The following F11 variants were observed in gnomAD, a reference collection of about 807,000 sequenced individuals.
The protein encoded by F11 is coagulation factor XI.
Under a neutral mutation model 76.5 loss-of-function variants are expected in F11, and 78 were observed. The observed-to-expected ratio is 1.02, with a 90% CI of 0.85 to 1.23. The LOEUF (loss-of-function observed/expected upper bound fraction) is 1.23, where lower values mean the gene tolerates loss of function less well. Among genes scored for constraint, F11 ranks in the 50% most tolerant of loss-of-function variants. The probability of loss-of-function intolerance (pLI) is 0.00; values close to 1 mark genes in which losing one functional copy is unlikely to be tolerated. For missense variants in F11, 742 were observed against 771.4 expected (o/e 0.96, Z 0.45); for synonymous variants, 278 against 276.3 (o/e 1.01, Z -0.06).
At chr4:186,281,828 G>A (rs1416570295) in intron 10 of F11, 8 of 1,174,220 alleles carry the variant, frequency 6.8e-6, no homozygotes, top group South Asian at 6.6e-5. Flanking sequence ...CTGCTGTACC[G>A]AGAAGGCGAA....
At chr4:186,278,951 C>A (rs1041201786) in intron 7 of F11, among the ~76,000 whole-genome samples, 3 of 152,232 alleles carry the variant, frequency 2.0e-5, no homozygotes, top group Non-Finnish European at 4.4e-5. Flanking sequence ...GTGCTAGTCA[C>A]TGCTCTTTTT....
Position 186,285,817 on chromosome 4 carries a change from C to A in F11, c.1480+4C>A, listed in dbSNP as rs370328133. The A allele has an allele frequency of 6.2e-7, 1 of 1,613,900 alleles. No individual in the cohort carries two copies. The highest frequency in any genetic ancestry group is 1.3e-5 in the African/African-American group (1 of 74,872). On this transcript the variant is annotated splice_donor_region_variant and intron_variant, in intron 12 of 14. Transcript: ENST00000403665. The stretch of plus-strand genomic sequence containing the variant: ...GAAACCACAGTGAATTACACAGGTA[C>A]GGAGAATTTTATCCGGAAAGTTGTC...
chr4:186,273,518 T>G (rs1740141799), intron 4 of F11, among the ~76,000 whole-genome samples: 1 of 152,000 alleles, frequency 6.6e-6, no homozygotes, highest in Non-Finnish European at 1.5e-5. Context: ...AGTGGTGCAA[T>G]CACAGCTCAC....
At chr4:186,267,931 A>G (rs1739624114) in intron 2 of F11, among the ~76,000 whole-genome samples, 1 of 152,214 alleles carries the variant, frequency 6.6e-6, no homozygotes, top group East Asian at 1.9e-4. Flanking sequence ...TCATAATTTC[A>G]ATTTTCTCTG....
chr4:186,288,689 C>T lies in F11; in HGVS notation c.*75C>T. On this transcript the variant is annotated 3_prime_UTR_variant, in exon 15 of 15. Transcript: ENST00000403665. ...GGAGAGGGTGTTGAGTTCACTGTGC[C>T]AGCATGCTTCCTCCACAGTAACACG... 13 of 1,492,524 alleles carry T rather than the reference C, an allele frequency of 8.7e-6. No homozygotes were observed. Among genetic ancestry groups the T allele is most frequent in the Non-Finnish European group, 1.2e-5 (13 of 1,089,248 alleles). The allele number at this position is 1,492,524 out of a possible 1,614,324, so 92.5% of individuals were successfully genotyped here. A position where few individuals can be genotyped will look rare whatever the true frequency, so the allele number is the denominator to read the frequency against.
In F11 at chr4:186,274,293, C is replaced by A; in HGVS notation, c.485+18C>A. The A allele has an allele frequency of 1.2e-6, 2 of 1,614,150 alleles. No homozygotes were observed. Among genetic ancestry groups the A allele is most frequent in the Non-Finnish European group, 1.7e-6 (2 of 1,179,996 alleles). On this transcript the variant is annotated intron_variant, in intron 5 of 14. Transcript: ENST00000403665. The stretch of plus-strand genomic sequence containing the variant: ...GAGCATCGGTGAGTGAGTCCCAGGA[C>A]ATTCGAGTGGTCGATGAAAAACAGA...
At chr4:186,286,613 C>G (rs1185509744) in intron 13 of F11, 103 bp downstream of exon 13, 1 of 1,573,230 alleles carries the variant, frequency 6.4e-7, no homozygotes, top group Non-Finnish European at 8.6e-7. Flanking sequence ...AGTCACACTA[C>G]TCAGTTGCAG....
intron 5 of F11, 78 bp from the exon 6 acceptor site, chr4:186,275,709 G>A (rs1740309168): frequency 9.3e-7 from 1 of 1,080,534 alleles, no homozygotes; most frequent in South Asian, 1.3e-5. Flanking sequence ...TCTCCAAAGG[G>A]GACTTTCTTA....
chr4:186,275,750 G>A, intron 5 of F11, 37 bp from the exon 6 acceptor site: 1 of 1,472,320 alleles, frequency 6.8e-7, no homozygotes. Flanking sequence ...CTTGCAGTTG[G>A]AAGAATAAGA....
chr4:186,276,430 A>C, intron 7 of F11, 40 bp downstream of exon 7: 1 of 1,602,604 alleles, frequency 6.2e-7, no homozygotes, highest in Non-Finnish European at 8.5e-7. Context: ...TTATCTTCTA[A>C]AAATAGCTGA....
At position 186,270,502 on chromosome 4, in the gene F11, A is replaced by G. The variant is rs540397812; in HGVS notation, c.56-1107A>G. 2.2e-4 allele frequency among the ~76,000 whole-genome samples: 33 copies of G among 152,248 alleles called. No homozygotes were observed. The South Asian group carries it at 4.6e-3, about 21-fold the overall frequency. ...CTTTTGGTGTACCCATCACCCAAGT[A>G]GTGAACACAGCCTCCAACAGGTAAT... is the stretch of plus-strand genomic sequence containing the variant. On this transcript the variant is annotated intron_variant, in intron 2 of 14. Coordinates refer to ENST00000403665, the MANE Select transcript of F11 (RefSeq NM_000128.4).
intron 7 of F11, 126 bp from the exon 8 acceptor site, chr4:186,279,886 T>C: frequency 1.3e-6 from 1 of 784,690 alleles, no homozygotes; most frequent in Non-Finnish European, 2.2e-6. Flanking sequence ...TGAAGAGTAC[T>C]TTCAAAATAG....
chr4:186,274,310 A>T (rs1198133165), intron 5 of F11, 35 bp downstream of exon 5: 1 of 1,613,942 alleles, frequency 6.2e-7, no homozygotes, highest in Admixed American at 1.7e-5. Context: ...GTGGTCGATG[A>T]AAAACAGAAT....
At chr4:186,285,529 C>A (rs1176533959) in intron 11 of F11, 109 bp from the exon 12 acceptor site, 37 of 1,141,962 alleles carry the variant, frequency 3.2e-5, no homozygotes, top group Non-Finnish European at 4.4e-5. Context: ...CCTAAATGTC[C>A]ATCATTGGCA....
Position 186,284,244 on chromosome 4 carries a change from G to T in F11, c.1288G>T (p.Ala430Ser), listed in dbSNP as rs753909969. ...IIGNQWILTA[A>S]HCFYGVESPK... is the part of the protein sequence containing the mutation. Reference sequence around the variant, plus strand: ...TGGAAACCAGTGGATATTAACAGCCGCTCACTGTTTCTATGGGTCAGTACC... The same window carrying T: ...TGGAAACCAGTGGATATTAACAGCCTCTCACTGTTTCTATGGGTCAGTACC... The change falls in exon 11 of 15, where the codon GCT becomes TCT. Residue 430 changes from alanine (A) to serine (S), a missense_variant. Ala to Ser is a moderately conservative substitution (Grantham distance 99). Coordinates refer to ENST00000403665, the MANE Select transcript of F11 (RefSeq NM_000128.4). The T allele has an allele frequency of 5.6e-6, 9 of 1,613,826 alleles. No individual in the cohort carries two copies. The highest frequency in any genetic ancestry group is 1.7e-5 in the Admixed American group (1 of 60,002).
Position 186,276,308 on chromosome 4 carries a change from G to A in F11, c.673G>A (p.Val225Ile). Residue 225 changes from valine to isoleucine, a missense_variant, in exon 7 of 15, where the codon GTC becomes ATC. Transcript: ENST00000403665. ...CAGTGTCATGGCTCCCGATGCTTTT[G>A]TCTGTGGCCGAATCTGCACTCATCA... ...IDSVMAPDAF[V>I]CGRICTHHPG... 2 of 1,614,052 alleles carry A rather than the reference G, an allele frequency of 1.2e-6. No individual in the cohort carries two copies. The highest frequency in any genetic ancestry group is 1.7e-6 in the Non-Finnish European group (2 of 1,180,026).
intron 7 of F11, among the ~76,000 whole-genome samples, chr4:186,278,062 G>T (rs769909312): frequency 1.1e-4 from 17 of 152,202 alleles, no homozygotes; most frequent in Non-Finnish European, 2.5e-4. Flanking sequence ...GTCTCCCACA[G>T]TGCAGGGATT....
intron 8 of F11, 40 bp from the exon 9 acceptor site, chr4:186,280,183 T>C (rs1425744404): frequency 1.2e-6 from 2 of 1,613,894 alleles, no homozygotes; most frequent in African/African-American, 2.7e-5. Flanking sequence ...TGATACATGC[T>C]GAGGGAGGGT....
In F11 at chr4:186,280,723, C is replaced by G. The variant is rs1342441878; in HGVS notation, c.1135+143C>G. On this transcript the variant is annotated intron_variant, in intron 10 of 14. Transcript: ENST00000403665. ...TTTGCAATTTTCTATTATTTTCACT[C>G]CTGTCACTCAAGCTGACCATGTTTT... 1.4e-5 allele frequency: 10 copies of G among 731,532 alleles called. No individual in the cohort carries two copies. The Middle Eastern group carries it at 1.8e-3, about 132-fold the overall frequency. The allele number at this position is 731,532 out of a possible 1,614,324, so 45.3% of individuals were successfully genotyped here.
Sources: allele counts gnomAD v4.1 joint callset (sites outside exome capture counted in the v4.1 genomes callset), GRCh38; gene constraint gnomAD v4.1.1; transcripts MANE v1.5; gene names NCBI Gene and HGNC (gene_info 2026-07-23, HGNC 2026-07-21).